The following APBB1IP variants were observed in gnomAD, a reference collection of about 807,000 sequenced individuals.
APBB1IP encodes amyloid beta A4 precursor protein-binding family B member 1-interacting protein.
In APBB1IP, 27 loss-of-function variants were observed where a neutral mutation model predicts 64.9. The ratio of observed to expected loss-of-function variants is 0.42; its 90% CI spans 0.31 to 0.57. APBB1IP has a LOEUF of 0.57. Ranked by LOEUF, APBB1IP falls within the 20% of genes least tolerant of loss-of-function variation. APBB1IP has a pLI of 0.20. For missense variants in APBB1IP, 812 were observed against 845.5 expected (o/e 0.96, Z 0.49); for synonymous variants, 392 against 331.0 (o/e 1.18, Z -2.00).
At chr10:26,507,592 A>G (rs776173612) in intron 6 of APBB1IP, among the ~76,000 whole-genome samples, 15 of 152,218 alleles carry the variant, frequency 9.9e-5, no homozygotes, top group Non-Finnish European at 1.6e-4. Context: ...AATCTCACAC[A>G]TGGATAAACA....
intron 2 of APBB1IP, among the ~76,000 whole-genome samples, chr10:26,442,289 G>A (rs1471674056): frequency 6.6e-6 from 1 of 152,150 alleles, no homozygotes; most frequent in Non-Finnish European, 1.5e-5. Flanking sequence ...ATCTTTACGT[G>A]TGCCTTGAAA....
intron 2 of APBB1IP, among the ~76,000 whole-genome samples, chr10:26,471,780 G>A (rs1382893110): frequency 6.6e-6 from 1 of 152,056 alleles, no homozygotes; most frequent in Non-Finnish European, 1.5e-5. Flanking sequence ...CGCCTCCTGG[G>A]TTCAAGCGAT....
At chr10:26,527,431 C>T (rs927453513) in intron 8 of APBB1IP, among the ~76,000 whole-genome samples, 12 of 151,424 alleles carry the variant, frequency 7.9e-5, no homozygotes, top group African/African-American at 2.7e-4. Context: ...CTTGTGGTCC[C>T]AGCTACTCAA....
At chr10:26,544,592 A>G (rs1311133526) in intron 11 of APBB1IP, among the ~76,000 whole-genome samples, 1 of 152,190 alleles carries the variant, frequency 6.6e-6, no homozygotes, top group Non-Finnish European at 1.5e-5. Context: ...AGAAGGAAGC[A>G]GGAGCCAAAC....
intron 8 of APBB1IP, among the ~76,000 whole-genome samples, chr10:26,532,600 G>A (rs1371741459): frequency 6.6e-6 from 1 of 152,032 alleles, no homozygotes; most frequent in East Asian, 1.9e-4. Flanking sequence ...TCTAGCCTCA[G>A]CCTCTCAAGT....
intron 8 of APBB1IP, among the ~76,000 whole-genome samples, chr10:26,519,081 C>G (rs1836369021): frequency 6.6e-6 from 1 of 151,354 alleles, no homozygotes; most frequent in Non-Finnish European, 1.5e-5. Flanking sequence ...TCGAGACCAG[C>G]CCGGCCAACG....
chr10:26,494,885 A>G (rs893179106), intron 3 of APBB1IP, among the ~76,000 whole-genome samples: 16 of 152,158 alleles, frequency 1.1e-4, no homozygotes, highest in African/African-American at 3.4e-4. Flanking sequence ...TATTCCCAAT[A>G]AGAGTCAGAA....
chr10:26,475,163 T>C (rs1382535065), intron 2 of APBB1IP, among the ~76,000 whole-genome samples: 3 of 151,402 alleles, frequency 2.0e-5, no homozygotes, highest in East Asian at 1.9e-4. Flanking sequence ...CACTCTGTTG[T>C]CCAGGCTGGA....
At chr10:26,446,885 GAT>G (rs1260267262) in intron 2 of APBB1IP, among the ~76,000 whole-genome samples, 2 of 125,296 alleles carry the variant, frequency 1.6e-5, no homozygotes, top group African/African-American at 6.2e-5. Context: ...GAGAGAGATA[GAT>G]AGAAATAGAT....
At chr10:26,512,801 G>A (rs1371909068) in intron 7 of APBB1IP, among the ~76,000 whole-genome samples, 1 of 152,152 alleles carries the variant, frequency 6.6e-6, no homozygotes, top group Admixed American at 6.5e-5. Context: ...CGTCTCTCAG[G>A]AGAGCTGGGT....
At chr10:26,441,017 A>G (rs1835332362) in intron 2 of APBB1IP, among the ~76,000 whole-genome samples, 2 of 152,196 alleles carry the variant, frequency 1.3e-5, no homozygotes, top group African/African-American at 4.8e-5. Flanking sequence ...TTGGACCACA[A>G]TCTTTACAAT....
intron 2 of APBB1IP, among the ~76,000 whole-genome samples, chr10:26,490,865 C>A (rs189094072): frequency 2.6e-4 from 39 of 152,186 alleles, no homozygotes; most frequent in African/African-American, 7.9e-4. Flanking sequence ...CATGCATGTA[C>A]AAATTCAAGT....
chr10:26,523,946 AT>A (rs1344943595), intron 8 of APBB1IP, among the ~76,000 whole-genome samples: 1 of 152,156 alleles, frequency 6.6e-6, no homozygotes, highest in Non-Finnish European at 1.5e-5. Flanking sequence ...TGAAATAATA[AT>A]TTATGTCATC....
intron 14 of APBB1IP, among the ~76,000 whole-genome samples, chr10:26,563,362 A>G (rs2132486232): frequency 6.6e-6 from 1 of 152,314 alleles, no homozygotes; most frequent in East Asian, 1.9e-4. Context: ...TAAAAAAAAG[A>G]AAAAAGATAA....
intron 6 of APBB1IP, among the ~76,000 whole-genome samples, chr10:26,508,421 C>A (rs1318029441): frequency 1.3e-5 from 2 of 150,816 alleles, no homozygotes; most frequent in Non-Finnish European, 3.0e-5. Context: ...AAACCCCCCA[C>A]AAAACTGTAA....
intron 10 of APBB1IP, among the ~76,000 whole-genome samples, chr10:26,540,957 A>T (rs1288655542): frequency 1.3e-5 from 2 of 151,420 alleles, no homozygotes; most frequent in African/African-American, 4.9e-5. Flanking sequence ...TTAATGCTCA[A>T]TCGCAAAATC....
intron 2 of APBB1IP, among the ~76,000 whole-genome samples, chr10:26,441,550 C>A (rs1835338348): frequency 6.6e-6 from 1 of 152,110 alleles, no homozygotes; most frequent in African/African-American, 2.4e-5. Flanking sequence ...AAAATGAGGA[C>A]TCCAAAGAGG....
chr10:26,546,902 T>G (rs1836771738), intron 11 of APBB1IP, among the ~76,000 whole-genome samples: 1 of 152,210 alleles, frequency 6.6e-6, no homozygotes, highest in African/African-American at 2.4e-5. Flanking sequence ...ATTTCCTTTG[T>G]ATATATACCC....
intron 8 of APBB1IP, among the ~76,000 whole-genome samples, chr10:26,530,409 TG>T (rs1836535736): frequency 6.6e-6 from 1 of 151,838 alleles, no homozygotes; most frequent in Non-Finnish European, 1.5e-5. Context: ...TTTAATAACT[TG>T]GCCAGGTATG....
Sources: allele counts gnomAD v4.1 joint callset (sites outside exome capture counted in the v4.1 genomes callset), GRCh38; gene constraint gnomAD v4.1.1; transcripts MANE v1.5; gene names NCBI Gene and HGNC (gene_info 2026-07-23, HGNC 2026-07-21).